Variants in TSPAN9 observed in about 807,000 individuals in gnomAD.
The protein encoded by TSPAN9 is tetraspanin 9, also known as tetraspanin-9.
Under a neutral mutation model 31.0 loss-of-function variants are expected in TSPAN9, and 16 were observed. The observed-to-expected ratio is 0.52, with a 90% CI of 0.35 to 0.78. The LOEUF is 0.78. Ranked by LOEUF, TSPAN9 falls within the 30% of genes least tolerant of loss-of-function variation. The pLI is 0.01. For missense variants in TSPAN9, 272 were observed against 312.5 expected (o/e 0.87, Z 0.98); for synonymous variants, 145 against 121.6 (o/e 1.19, Z -1.27).
intron 3 of TSPAN9, among the ~76,000 whole-genome samples, chr12:3,229,228 G>T (rs1056132395): frequency 6.6e-6 from 1 of 152,128 alleles, no homozygotes; most frequent in Non-Finnish European, 1.5e-5. Context: ...TCCCATTTCG[G>T]GCCCAGAGAG....
At chr12:3,205,453 C>G (rs1041065652) in intron 3 of TSPAN9, among the ~76,000 whole-genome samples, 70 of 152,322 alleles carry the variant, frequency 4.6e-4, no homozygotes, top group African/African-American at 1.6e-3. Context: ...CATGGTCGGG[C>G]TCTCCAGCTG....
chr12:3,164,374 G>T (rs754359335), intron 2 of TSPAN9, among the ~76,000 whole-genome samples: 10 of 152,136 alleles, frequency 6.6e-5, no homozygotes, highest in Non-Finnish European at 1.5e-4. Flanking sequence ...GGCATGCAGT[G>T]GGCATTTGAT....
intron 2 of TSPAN9, among the ~76,000 whole-genome samples, chr12:3,100,316 G>A (rs1244208473): frequency 3.3e-5 from 5 of 152,112 alleles, no homozygotes; most frequent in African/African-American, 9.7e-5. Flanking sequence ...AAGTCTCTTC[G>A]CACTCTCTGC....
chr12:3,200,482 T>C (rs1183453361), intron 2 of TSPAN9: 2 of 152,260 alleles, frequency 1.3e-5, no homozygotes, highest in African/African-American at 2.4e-5. Flanking sequence ...GGCCAAGTGG[T>C]GGGGCTCAGC....
chr12:3,130,035 C>T (rs942181664), intron 2 of TSPAN9, among the ~76,000 whole-genome samples: 1 of 152,192 alleles, frequency 6.6e-6, no homozygotes, highest in African/African-American at 2.4e-5. Flanking sequence ...ATGTGTGGGA[C>T]AAACTTGGCA....
intron 3 of TSPAN9, among the ~76,000 whole-genome samples, chr12:3,249,234 A>C (rs985697901): frequency 6.6e-6 from 1 of 152,082 alleles, no homozygotes; most frequent in Non-Finnish European, 1.5e-5. Flanking sequence ...AGTCTTTCTC[A>C]ATGACTCCAG....
chr12:3,083,216 A>T lies in TSPAN9; in HGVS notation c.-84-437A>T, dbSNP rs117518324. Among the ~76,000 whole-genome samples the T allele has an allele frequency of 4.7e-3, 718 of 152,362 alleles. 7 individuals carry two copies. The highest frequency in any genetic ancestry group is 7.4e-3 in the Admixed American group (113 of 15,302). On this transcript the variant is annotated intron_variant, in intron 1 of 8. Transcript: ENST00000011898. ...TGGCCCTTTCCTTTATATTGACCTC[A>T]TAGCGTACGCGATGCAAACACATCT... is the stretch of plus-strand genomic sequence containing the variant.
chr12:3,254,518 A>C (rs1375461403), intron 3 of TSPAN9, among the ~76,000 whole-genome samples: 1 of 152,118 alleles, frequency 6.6e-6, no homozygotes, highest in East Asian at 1.9e-4. Flanking sequence ...ACATTTCTTC[A>C]CCAAAGTGAC....
intron 3 of TSPAN9, among the ~76,000 whole-genome samples, chr12:3,268,865 C>T (rs1445897908): frequency 1.6e-5 from 2 of 122,456 alleles, no homozygotes. Flanking sequence ...TTCCTGCAGC[C>T]TGCCCTCTGT....
rs145777408 is a variant in TSPAN9, at chr12:3,166,945, C to T, written c.-17-34232C>T. ...CTGACTAGCTGGGATTACAGGCATG[C>T]GCCACCACGCCCGGCTAATTTTTGT... On this transcript the variant is annotated intron_variant, in intron 2 of 8. Transcript: ENST00000011898. 8.5e-3 allele frequency among the ~76,000 whole-genome samples: 1,288 copies of T among 152,134 alleles called. 19 individuals are homozygous for T. The highest frequency in any genetic ancestry group is 0.029 in the African/African-American group (1,216 of 41,510).
intron 2 of TSPAN9, among the ~76,000 whole-genome samples, chr12:3,151,854 C>T (rs531857893): frequency 6.6e-6 from 1 of 152,076 alleles, no homozygotes; most frequent in East Asian, 1.9e-4. Context: ...ACCCGTGAGG[C>T]GGAGGTTGCA....
intron 3 of TSPAN9, among the ~76,000 whole-genome samples, chr12:3,226,740 G>A (rs1018773049): frequency 2.3e-4 from 3 of 13,142 alleles, no homozygotes; most frequent in African/African-American, 6.2e-4. Context: ...GTGTGTGTGT[G>A]TGTGTATATA....
At chr12:3,197,009 TGGTA>T (rs1448886949) in intron 2 of TSPAN9, among the ~76,000 whole-genome samples, 2 of 152,162 alleles carry the variant, frequency 1.3e-5, no homozygotes, top group African/African-American at 2.4e-5. Context: ...CATCTGAGAC[TGGTA>T]GGATCAGCCC....
chr12:3,253,705 G>A (rs755840476), intron 3 of TSPAN9, among the ~76,000 whole-genome samples: 5 of 152,214 alleles, frequency 3.3e-5, no homozygotes, highest in Non-Finnish European at 5.9e-5. Flanking sequence ...GGGATCTGGC[G>A]ACTGCCCTTG....
chr12:3,103,425 T>C (rs1341715557), intron 2 of TSPAN9, among the ~76,000 whole-genome samples: 2 of 146,152 alleles, frequency 1.4e-5, no homozygotes, highest in African/African-American at 5.6e-5. Context: ...TGAACACTCA[T>C]TGAACACTTC....
chr12:3,276,670 G>A (rs1485292285), intron 3 of TSPAN9, among the ~76,000 whole-genome samples: 2 of 152,106 alleles, frequency 1.3e-5, no homozygotes, highest in African/African-American at 2.4e-5. Context: ...TCTTCGTGGC[G>A]CATGTCAGCA....
In TSPAN9 at chr12:3,283,053, C is replaced by T; in HGVS notation, c.657C>T (p.Gly219=). Reference sequence around the variant, plus strand: ...CTCCCCGTGTCTTTCAGATCCTGGGCATGGCCTTCTCCATGACCCTCTTCC... The same window carrying T: ...CTCCCCGTGTCTTTCAGATCCTGGGTATGGCCTTCTCCATGACCCTCTTCC... ...GMCILIMQIL[G]MAFSMTLFQH... The change falls in exon 9 of 9, where the codon GGC becomes GGT. Residue 219 remains glycine, a synonymous_variant. Coordinates refer to ENST00000011898, the MANE Select transcript of TSPAN9 (RefSeq NM_006675.5). 3.7e-6 allele frequency: 6 copies of T among 1,608,722 alleles called. No individual in the cohort carries two copies. Among genetic ancestry groups the T allele is most frequent in the Non-Finnish European group, 5.1e-6 (6 of 1,179,976 alleles).
At chr12:3,109,557 G>A (rs1026624736) in intron 2 of TSPAN9, among the ~76,000 whole-genome samples, 1 of 151,798 alleles carries the variant, frequency 6.6e-6, no homozygotes, top group African/African-American at 2.4e-5. Context: ...CAGCACTTTG[G>A]GAGGCCGAGG....
intron 3 of TSPAN9, among the ~76,000 whole-genome samples, chr12:3,244,714 T>C (rs1435222558): frequency 6.6e-6 from 1 of 152,058 alleles, no homozygotes; most frequent in Admixed American, 6.5e-5. Context: ...TTAGTCACGG[T>C]GTGAGACCCG....
Sources: gnomAD v4.1 joint callset for allele counts (sites outside exome capture counted in the v4.1 genomes callset) on GRCh38, gnomAD v4.1.1 for gene constraint, MANE v1.5 for transcripts, NCBI Gene and HGNC (gene_info 2026-07-23, HGNC 2026-07-21) for gene names.